The following SEZ6L variants were observed in gnomAD, a reference collection of about 807,000 sequenced individuals.
SEZ6L encodes the protein seizure related 6 homolog like, also known as seizure 6-like protein.
Under a neutral mutation model 106.2 loss-of-function variants are expected in SEZ6L, and 37 were observed. The observed-to-expected ratio is 0.35, with a 90% CI of 0.27 to 0.46. The LOEUF (loss-of-function observed/expected upper bound fraction) is 0.46, where lower values mean the gene tolerates loss of function less well. Ranked by LOEUF, SEZ6L falls within the 20% of genes least tolerant of loss-of-function variation. SEZ6L has a pLI of 1.00. For missense variants in SEZ6L, 1,172 were observed against 1,332.8 expected, an observed-to-expected ratio of 0.88 and a Z score of 1.88; for synonymous variants, 541 against 570.4, an observed-to-expected ratio of 0.95 and a Z score of 0.73.
At chr22:26,179,377 C>A (rs1939234080) in intron 1 of SEZ6L, among the ~76,000 whole-genome samples, 1 of 152,164 alleles carries the variant, frequency 6.6e-6, no homozygotes, top group Admixed American at 6.5e-5. Context: ...AGTGACAGAG[C>A]AAGACCTTGT....
At chr22:26,356,909 G>A (rs2083454421) in intron 12 of SEZ6L, among the ~76,000 whole-genome samples, 1 of 151,824 alleles carries the variant, frequency 6.6e-6, no homozygotes, top group Admixed American at 6.6e-5. Context: ...ACTATCTTGA[G>A]CTGGTAGTTC....
At chr22:26,226,426 A>G (rs928935282) in intron 1 of SEZ6L, among the ~76,000 whole-genome samples, 1 of 152,230 alleles carries the variant, frequency 6.6e-6, no homozygotes, top group African/African-American at 2.4e-5. Flanking sequence ...CAGCTCAAGC[A>G]TCAGTTCTGG....
chr22:26,369,976 C>T lies in SEZ6L; in HGVS notation c.2795-3475C>T, dbSNP rs1023928768. Among the ~76,000 whole-genome samples, 3 of 152,044 alleles carry T rather than the reference C, an allele frequency of 2.0e-5. No individual in the cohort carries two copies. The South Asian group carries it at 6.2e-4, about 32-fold the overall frequency. Reference sequence around the variant, plus strand: ...TGCAGAGCTTAAGTATTGGGAAGTTCCTGAGTAAAGATTGCCTGTAAACCC... The same window carrying T: ...TGCAGAGCTTAAGTATTGGGAAGTTTCTGAGTAAAGATTGCCTGTAAACCC... On this transcript the variant is annotated intron_variant, in intron 13 of 16. Transcript: ENST00000248933.
At position 26,245,705 on chromosome 22, in the gene SEZ6L, G is replaced by A. The variant is rs574239786; in HGVS notation, c.95-46701G>A. Reference sequence around the variant, plus strand: ...ACCAGGTCCTCCTCTGAGAGTGGCCGCTGATTGATGTGTGACCTTGAGAAA... The same window carrying A: ...ACCAGGTCCTCCTCTGAGAGTGGCCACTGATTGATGTGTGACCTTGAGAAA... On this transcript the variant is annotated intron_variant, in intron 1 of 16. Transcript: ENST00000248933. Among the ~76,000 whole-genome samples the A allele has an allele frequency of 2.0e-4, 30 of 152,248 alleles. No homozygotes were observed. In the East Asian group the frequency reaches 3.3e-3, roughly 17 times the overall value.
chr22:26,292,564 C>T lies in SEZ6L; in HGVS notation c.253C>T (p.Leu85=). Residue 85 remains leucine, a synonymous_variant, in exon 2 of 17, where the codon CTG becomes TTG. Transcript: ENST00000248933. ...GGCGGAAGTGCTGGGCGAGCTGGTGCTGGATGGGACCGCACCCTCTGCACA... is the reference window on the plus strand; with the variant it reads ...GGCGGAAGTGCTGGGCGAGCTGGTGTTGGATGGGACCGCACCCTCTGCACA... ...QSAEVLGELV[L]DGTAPSAHHD... The T allele has an allele frequency of 6.2e-7, 1 of 1,613,832 alleles. No homozygotes were observed. Among genetic ancestry groups the T allele is most frequent in the Non-Finnish European group, 8.5e-7 (1 of 1,179,882 alleles).
intron 1 of SEZ6L, among the ~76,000 whole-genome samples, chr22:26,221,878 A>G (rs184523065): frequency 1.2e-4 from 18 of 152,354 alleles, no homozygotes; most frequent in Admixed American, 1.0e-3. Context: ...GTGAGAATCA[A>G]TTCGCCAATG....
chr22:26,292,162 A>G (rs2081145032), intron 1 of SEZ6L: 1 of 440,662 alleles, frequency 2.3e-6, no homozygotes, highest in South Asian at 5.9e-5. Flanking sequence ...GGAAGGAAGG[A>G]AGGAGGAAGG....
At chr22:26,236,663 G>A (rs144310864) in intron 1 of SEZ6L, among the ~76,000 whole-genome samples, 96 of 152,316 alleles carry the variant, frequency 6.3e-4, no homozygotes, top group Non-Finnish European at 7.9e-4. Context: ...GATGGGCAGG[G>A]AGAGGAGGGG....
In SEZ6L at chr22:26,337,507, C is replaced by A. The variant is rs1601537431; in HGVS notation, c.2016-2929C>A. On this transcript the variant is annotated intron_variant, in intron 9 of 16. Transcript: ENST00000248933. The stretch of plus-strand genomic sequence containing the variant: ...ATTGATGTTTTCATGGTACGTAGAG[C>A]TAAAGAGGCCCTCCCCTACTACAGG... Among the ~76,000 whole-genome samples the A allele has an allele frequency of 2.6e-5, 4 of 152,290 alleles. 1 individual carries two copies. Among genetic ancestry groups the A allele is most frequent in the Admixed American group, 2.6e-4 (4 of 15,300 alleles).
At chr22:26,373,401 C>T (rs756490970) in intron 13 of SEZ6L, 50 bp from the exon 14 acceptor site, 21 of 1,548,066 alleles carry the variant, frequency 1.4e-5, no homozygotes, top group East Asian at 9.1e-5. Context: ...TTCATGCAAA[C>T]GAAGTGAATT....
At chr22:26,312,832 A>C (rs908994931) in intron 8 of SEZ6L, among the ~76,000 whole-genome samples, 10 of 152,144 alleles carry the variant, frequency 6.6e-5, no homozygotes, top group African/African-American at 2.2e-4. Flanking sequence ...GGCCTCCCAA[A>C]GTGCTGGCAT....
At chr22:26,290,922 A>C (rs2081088407) in intron 1 of SEZ6L, among the ~76,000 whole-genome samples, 1 of 152,082 alleles carries the variant, frequency 6.6e-6, no homozygotes. Flanking sequence ...CCACAAGGTC[A>C]CTCTTACATT....
intron 1 of SEZ6L, among the ~76,000 whole-genome samples, chr22:26,271,145 C>T (rs1384497268): frequency 1.3e-5 from 2 of 152,146 alleles, no homozygotes; most frequent in African/African-American, 4.8e-5. Context: ...TCCCTTCATT[C>T]CCAAGTCCTT....
At chr22:26,266,530 AC>A (rs1290990934) in intron 1 of SEZ6L, among the ~76,000 whole-genome samples, 1 of 151,776 alleles carries the variant, frequency 6.6e-6, no homozygotes, top group African/African-American at 2.4e-5. Flanking sequence ...CCGAGATCGC[AC>A]CACTGCACTC....
At position 26,363,243 on chromosome 22, in the gene SEZ6L, A is replaced by G. The variant is rs143306662; in HGVS notation, c.2600-2129A>G. On this transcript the variant is annotated intron_variant, in intron 12 of 16. Coordinates refer to ENST00000248933, the MANE Select transcript of SEZ6L (RefSeq NM_021115.5). Reference sequence around the variant, plus strand: ...AGCTTGGTAACTATTGTTTCAGTTGACATTACTCAAGCTGAGTAGAGCCCA... The same window carrying G: ...AGCTTGGTAACTATTGTTTCAGTTGGCATTACTCAAGCTGAGTAGAGCCCA... Among the ~76,000 whole-genome samples the G allele has an allele frequency of 2.4e-4, 36 of 152,346 alleles. 1 individual carries two copies. The highest frequency in any genetic ancestry group is 6.5e-4 in the Admixed American group (10 of 15,304).
chr22:26,286,983 A>G (rs923447043), intron 1 of SEZ6L, among the ~76,000 whole-genome samples: 1 of 151,614 alleles, frequency 6.6e-6, no homozygotes, highest in African/African-American at 2.4e-5. Flanking sequence ...CCTGACCTCA[A>G]GTGATCTGCC....
intron 1 of SEZ6L, among the ~76,000 whole-genome samples, chr22:26,287,182 G>A (rs1260279645): frequency 4.6e-5 from 7 of 152,000 alleles, no homozygotes; most frequent in Non-Finnish European, 8.8e-5. Context: ...CAGAACAAAT[G>A]TTCAATTGCC....
intron 11 of SEZ6L, among the ~76,000 whole-genome samples, chr22:26,348,291 T>C (rs1417483027): frequency 6.6e-6 from 1 of 151,562 alleles, no homozygotes; most frequent in African/African-American, 2.4e-5. Flanking sequence ...AGCCCATGAG[T>C]TTGATAGCAG....
intron 1 of SEZ6L, among the ~76,000 whole-genome samples, chr22:26,260,138 A>T (rs577339790): frequency 2.5e-4 from 37 of 151,014 alleles, no homozygotes; most frequent in African/African-American, 4.4e-4. Context: ...ACTTTTTAAA[A>T]TTTTTTTTTT....
Sources: gnomAD v4.1 joint callset for allele counts (sites outside exome capture counted in the v4.1 genomes callset) on GRCh38, gnomAD v4.1.1 for gene constraint, MANE v1.5 for transcripts, NCBI Gene and HGNC (gene_info 2026-07-23, HGNC 2026-07-21) for gene names.